RGL1: variants seen among roughly 807,000 people sequenced by gnomAD.
RGL1 encodes ral guanine nucleotide dissociation stimulator-like 1.
Under a neutral mutation model 95.2 loss-of-function variants are expected in RGL1, and 24 were observed. The ratio of observed to expected loss-of-function variants is 0.25; its 90% CI spans 0.18 to 0.35. RGL1 has a LOEUF of 0.35. Ranked by LOEUF, RGL1 falls within the 10% of genes least tolerant of loss-of-function variation. The probability of loss-of-function intolerance (pLI) is 1.00; values close to 1 mark genes in which losing one functional copy is unlikely to be tolerated. For missense variants in RGL1, 715 were observed against 936.3 expected, an observed-to-expected ratio of 0.76 and a Z score of 3.08; for synonymous variants, 329 against 344.9, an observed-to-expected ratio of 0.95 and a Z score of 0.51.
chr1:183,867,347 A>G (rs987755355), intron 4 of RGL1, among the ~76,000 whole-genome samples: 1 of 84,116 alleles, frequency 1.2e-5, no homozygotes, highest in Non-Finnish European at 3.1e-5. Context: ...ATGGGGGAGG[A>G]GAAAAAAGAA....
intron 2 of RGL1, among the ~76,000 whole-genome samples, chr1:183,833,572 T>G (rs1301418074): frequency 6.6e-6 from 1 of 152,208 alleles, no homozygotes; most frequent in Non-Finnish European, 1.5e-5. Context: ...GATCCATAAA[T>G]GTATCTTGTT....
At chr1:183,649,401 T>A (rs1404002859) in intron 1 of RGL1, among the ~76,000 whole-genome samples, 1 of 152,250 alleles carries the variant, frequency 6.6e-6, no homozygotes, top group African/African-American at 2.4e-5. Flanking sequence ...CTTCTCAGAA[T>A]ATGTTAACAT....
At chr1:183,918,986 T>C (rs975414318) in intron 16 of RGL1, among the ~76,000 whole-genome samples, 15 of 152,232 alleles carry the variant, frequency 9.9e-5, no homozygotes, top group African/African-American at 3.6e-4. Flanking sequence ...CTAGCAGTTC[T>C]CAAACTTTTT....
intron 1 of RGL1, among the ~76,000 whole-genome samples, chr1:183,662,981 A>C (rs1651756550): frequency 6.6e-6 from 1 of 152,146 alleles, no homozygotes; most frequent in Non-Finnish European, 1.5e-5. Context: ...CTATTTAATA[A>C]ATGGTGCTGG....
intron 1 of RGL1, among the ~76,000 whole-genome samples, chr1:183,716,805 G>A (rs1463691681): frequency 6.6e-6 from 1 of 152,210 alleles, no homozygotes; most frequent in African/African-American, 2.4e-5. Flanking sequence ...TCTTGCTCTA[G>A]AATTCTGTGT....
chr1:183,654,149 G>C (rs77240463), intron 1 of RGL1, among the ~76,000 whole-genome samples: 1,979 of 152,300 alleles, frequency 0.013, 53 homozygotes, highest in African/African-American at 0.046. Flanking sequence ...CTTCCAGTCT[G>C]CACCACAGCA....
intron 8 of RGL1, among the ~76,000 whole-genome samples, chr1:183,890,161 GT>G (rs1301064566): frequency 1.3e-5 from 2 of 152,098 alleles, no homozygotes; most frequent in South Asian, 2.1e-4. Flanking sequence ...GGACAGTCAA[GT>G]GTTAAAATGT....
intron 1 of RGL1, among the ~76,000 whole-genome samples, chr1:183,703,099 C>T (rs939256900): frequency 3.9e-5 from 6 of 152,134 alleles, no homozygotes; most frequent in African/African-American, 1.4e-4. Flanking sequence ...TGCCTTGGGA[C>T]TAGGCCTCAG....
chr1:183,641,747 T>C (rs1189096787), intron 1 of RGL1, among the ~76,000 whole-genome samples: 2 of 152,204 alleles, frequency 1.3e-5, no homozygotes, highest in African/African-American at 4.8e-5. Flanking sequence ...TATTTGGTTT[T>C]TGAAAGTTAG....
chr1:183,721,677 C>T (rs1287311136), intron 1 of RGL1, among the ~76,000 whole-genome samples: 4 of 152,172 alleles, frequency 2.6e-5, no homozygotes, highest in African/African-American at 9.7e-5. Flanking sequence ...CCTGTTGTTT[C>T]CTCTCTTCAG....
chr1:183,814,464 C>T (rs1440601782), intron 2 of RGL1, among the ~76,000 whole-genome samples: 1 of 152,144 alleles, frequency 6.6e-6, no homozygotes, highest in African/African-American at 2.4e-5. Flanking sequence ...CCTACATTTT[C>T]TAGCATGTAA....
intron 2 of RGL1, chr1:183,754,967 G>T (rs1001839729): frequency 5.3e-5 from 8 of 151,560 alleles, no homozygotes; most frequent in African/African-American, 1.7e-4. Context: ...TATTAAAAAA[G>T]ATATTTTAGT....
intron 2 of RGL1, among the ~76,000 whole-genome samples, chr1:183,791,873 A>C (rs1159581390): frequency 6.6e-6 from 1 of 152,172 alleles, no homozygotes; most frequent in Non-Finnish European, 1.5e-5. Flanking sequence ...TCCTTCTTCA[A>C]TGATGAGTGC....
At chr1:183,658,892 G>C (rs1434875419) in intron 1 of RGL1, among the ~76,000 whole-genome samples, 2 of 151,342 alleles carry the variant, frequency 1.3e-5, no homozygotes, top group East Asian at 3.9e-4. Context: ...CAGCATTCAC[G>C]GTTCACGAAA....
chr1:183,852,650 C>T (rs1259012167), intron 3 of RGL1, among the ~76,000 whole-genome samples: 1 of 151,970 alleles, frequency 6.6e-6, no homozygotes, highest in East Asian at 1.9e-4. Context: ...CCTGTCCCTA[C>T]TAAAAATATA....
chr1:183,780,872 C>A (rs1193679791), intron 2 of RGL1, among the ~76,000 whole-genome samples: 1 of 152,168 alleles, frequency 6.6e-6, no homozygotes, highest in African/African-American at 2.4e-5. Flanking sequence ...CTTTCCCAGG[C>A]CCAAGAAAAC....
intron 2 of RGL1, among the ~76,000 whole-genome samples, chr1:183,772,186 C>T (rs375124462): frequency 1.3e-5 from 2 of 152,208 alleles, no homozygotes; most frequent in Admixed American, 6.5e-5. Flanking sequence ...TACAGAAAGC[C>T]GTCTGTTCTT....
At chr1:183,867,413 A>G (rs1387488750) in intron 4 of RGL1, among the ~76,000 whole-genome samples, 1 of 151,758 alleles carries the variant, frequency 6.6e-6, no homozygotes, top group Non-Finnish European at 1.5e-5. Context: ...GGAGTGACCA[A>G]CTCCCTCCAG....
intron 2 of RGL1, among the ~76,000 whole-genome samples, chr1:183,818,540 G>T (rs1409035371): frequency 6.6e-6 from 1 of 152,020 alleles, no homozygotes; most frequent in Non-Finnish European, 1.5e-5. Flanking sequence ...TTTTATCTGA[G>T]TTTCCTTAGC....
Sources: allele counts gnomAD v4.1 joint callset (sites outside exome capture counted in the v4.1 genomes callset), GRCh38; gene constraint gnomAD v4.1.1; transcripts MANE v1.5; gene names NCBI Gene and HGNC (gene_info 2026-07-23, HGNC 2026-07-21).